The following PITPNM2 variants were observed in gnomAD, a reference collection of about 807,000 sequenced individuals.
PITPNM2 encodes the protein phosphatidylinositol transfer protein membrane associated 2.
A neutral mutation model predicts 132.2 loss-of-function variants in PITPNM2; 35 were observed. That is an observed-to-expected ratio of 0.26 (90% confidence interval 0.20 to 0.35). PITPNM2 has a LOEUF of 0.35. PITPNM2 is among the 10% of genes least tolerant of loss of function. The probability of loss-of-function intolerance (pLI) is 1.00; values close to 1 mark genes in which losing one functional copy is unlikely to be tolerated. For synonymous variants in PITPNM2, 738 were observed against 799.2 expected (o/e 0.92, Z 1.29); for missense variants, 1,332 against 1,912.0 (o/e 0.70, Z 5.66).
chr12:123,041,722 T>G (rs1298786180), intron 2 of PITPNM2, among the ~76,000 whole-genome samples: 1 of 151,834 alleles, frequency 6.6e-6, no homozygotes, highest in Non-Finnish European at 1.5e-5. Context: ...TTTTGGGGCC[T>G]GGCACAGACA....
intron 3 of PITPNM2, among the ~76,000 whole-genome samples, chr12:123,015,418 G>C (rs906929114): frequency 6.6e-6 from 1 of 152,150 alleles, no homozygotes. Context: ...ATTAATTTTT[G>C]AGAAGGGTGC....
intron 2 of PITPNM2, among the ~76,000 whole-genome samples, chr12:123,107,208 T>C (rs2042736814): frequency 6.6e-6 from 1 of 152,204 alleles, no homozygotes; most frequent in Admixed American, 6.5e-5. Flanking sequence ...CCTCCCTGCC[T>C]GAGCCACGGG....
At position 123,079,350 on chromosome 12, in the gene PITPNM2, C is replaced by CTTTTTTTTTTTTTTTTTTTT. The variant is rs139205213; in HGVS notation, c.-96+31015_-96+31034dup. Among the ~76,000 whole-genome samples, 65 of 53,832 alleles carry CTTTTTTTTTTTTTTTTTTTT rather than the reference C, an allele frequency of 1.2e-3. 1 individual carries two copies. Among genetic ancestry groups the CTTTTTTTTTTTTTTTTTTTT allele is most frequent in the East Asian group, 4.7e-3 (6 of 1,268 alleles). 35.3% of individuals were successfully genotyped at this position (53,832 alleles called of 152,430 possible). ...TTCACTTCTTTTTCTTTTTTCTTTT[C>CTTTTTTTTTTTTTTTTTTTT]TTTTTTTTTTTTTTTTTTTTTTTTT... On this transcript the variant is annotated intron_variant, in intron 2 of 25. Transcript: ENST00000320201.
At chr12:123,010,158 A>G in intron 5 of PITPNM2, 81 bp from the exon 6 acceptor site, 2 of 1,215,388 alleles carry the variant, frequency 1.6e-6, no homozygotes, top group Non-Finnish European at 2.4e-6. Flanking sequence ...TCCACCCCCA[A>G]ATCCTCCCAG....
intron 2 of PITPNM2, among the ~76,000 whole-genome samples, chr12:123,103,585 G>T (rs1420914112): frequency 6.6e-6 from 1 of 152,218 alleles, no homozygotes; most frequent in Admixed American, 6.5e-5. Flanking sequence ...CTGTGGCTTG[G>T]CTCTGGGACC....
Position 123,001,040 on chromosome 12 carries a change from C to T in PITPNM2, c.1153+14G>A, listed in dbSNP as rs1210862041. On this transcript the variant is annotated intron_variant, in intron 9 of 25. Coordinates refer to ENST00000320201, the MANE Select transcript of PITPNM2 (RefSeq NM_020845.3). ...GCCCTCCCCAGGCTCTGCAGCACCCCCAGACCTGCTGACCTTGTGTGTCTT... is the reference window on the plus strand; with the variant it reads ...GCCCTCCCCAGGCTCTGCAGCACCCTCAGACCTGCTGACCTTGTGTGTCTT... The T allele has an allele frequency of 6.2e-7, 1 of 1,611,714 alleles. No individual in the cohort carries two copies. The highest frequency in any genetic ancestry group is 1.1e-5 in the South Asian group (1 of 91,032).
intron 2 of PITPNM2, among the ~76,000 whole-genome samples, chr12:123,076,602 C>CTCAATCCCCACTGCACCCTGAG: frequency 6.6e-6 from 1 of 152,336 alleles, no homozygotes; most frequent in African/African-American, 2.4e-5. Context: ...TGGTCCCACC[C>CTCAATCCCCACTGCACCCTGAG]TCAATCCCCA....
intron 1 of PITPNM2, among the ~76,000 whole-genome samples, chr12:123,148,199 G>A (rs550286928): frequency 5.9e-5 from 9 of 152,154 alleles, no homozygotes; most frequent in African/African-American, 1.4e-4. Context: ...CCACTTAGCC[G>A]CATCTGTGTT....
chr12:123,069,420 A>ATCTGCCCCTGC (rs2041553381), intron 2 of PITPNM2, among the ~76,000 whole-genome samples: 2 of 152,112 alleles, frequency 1.3e-5, no homozygotes, highest in Non-Finnish European at 2.9e-5. Flanking sequence ...TCCCCTGCAG[A>ATCTGCCCCTGC]CAGATGGAGA....
In PITPNM2 at chr12:123,037,551, C is replaced by T. The variant is rs533046473; in HGVS notation, c.-95-2866G>A. 8.1e-4 allele frequency among the ~76,000 whole-genome samples: 123 copies of T among 152,296 alleles called. 1 individual carries two copies. The highest frequency in any genetic ancestry group is 2.7e-3 in the African/African-American group (114 of 41,538). On this transcript the variant is annotated intron_variant, in intron 2 of 25. Transcript: ENST00000320201. ...CCAGAGTGGGCAAGTCTCATTTAGT[C>T]ATCTAAATAACATGGTCAGACACAG...
chr12:123,073,849 C>A (rs1168792433), intron 2 of PITPNM2, among the ~76,000 whole-genome samples: 1 of 152,202 alleles, frequency 6.6e-6, no homozygotes, highest in African/African-American at 2.4e-5. Flanking sequence ...CTGCCTGCTC[C>A]TTCCTCTCTC....
At chr12:123,107,091 G>A (rs1209856187) in intron 2 of PITPNM2, among the ~76,000 whole-genome samples, 1 of 152,222 alleles carries the variant, frequency 6.6e-6, no homozygotes, top group East Asian at 1.9e-4. Context: ...GAAAGTCTGT[G>A]TCATTGCTGC....
chr12:123,008,322 G>T lies in PITPNM2; in HGVS notation c.643+1528C>A, dbSNP rs1268680090. 6.6e-6 allele frequency among the ~76,000 whole-genome samples: 1 copy of T among 152,168 alleles called. No homozygotes were observed. Among genetic ancestry groups the T allele is most frequent in the Non-Finnish European group, 1.5e-5 (1 of 68,030 alleles). ...GCTGCAGCCTTAGTAGGTCTGCTGG[G>T]TGTCCTGTGCAGGGCTGAACCTAGA... On this transcript the variant is annotated intron_variant, in intron 6 of 25. Transcript: ENST00000320201. The surrounding 1 kb of genome is among the most constrained non-coding windows in gnomAD (Gnocchi z 4.1).
chr12:123,013,667 C>A (rs868831940), intron 4 of PITPNM2, among the ~76,000 whole-genome samples, 161 bp downstream of exon 4: 1 of 152,232 alleles, frequency 6.6e-6, no homozygotes, highest in Non-Finnish European at 1.5e-5. Flanking sequence ...CCTAGGTGAC[C>A]TTCGGGGCAC....
chr12:123,115,517 A>T (rs979953279), intron 1 of PITPNM2, among the ~76,000 whole-genome samples: 3 of 152,090 alleles, frequency 2.0e-5, no homozygotes, highest in Non-Finnish European at 4.4e-5. Context: ...AAGTTGATGG[A>T]GGGAAAAAAC....
In PITPNM2 at chr12:122,986,402, C is replaced by G. The variant is rs570815644; in HGVS notation, c.3726+34G>C. ...ACAGGCTGGGGCTCCCCGAGCTGCC[C>G]GCCTGCACCCGCCCCCACAATGCGC... On this transcript the variant is annotated intron_variant, in intron 25 of 25. Coordinates refer to ENST00000320201, the MANE Select transcript of PITPNM2 (RefSeq NM_020845.3). 288 of 1,563,690 alleles carry G rather than the reference C, an allele frequency of 1.8e-4. 1 individual carries two copies. In the South Asian group the frequency reaches 3.1e-3, roughly 17 times the overall value.
At position 122,986,811 on chromosome 12, in the gene PITPNM2, G is replaced by A; in HGVS notation, c.3432C>T (p.Gly1144=). Residue 1144 remains glycine (G), a synonymous_variant, in exon 24 of 26, where the codon GGC becomes GGT. Coordinates refer to ENST00000320201, the MANE Select transcript of PITPNM2 (RefSeq NM_020845.3). The stretch of plus-strand genomic sequence containing the variant: ...GGCCCGTCACGTAGATGATGAGGTA[G>A]CCCAGGTCCTGCCAGTGCCTGGGGG... ...VDVVRHWQDL[G]YLIIYVTGRP... The A allele has an allele frequency of 6.2e-7, 1 of 1,612,002 alleles. No homozygotes were observed.
chr12:123,031,240 T>C lies in PITPNM2; in HGVS notation c.78+3273A>G, dbSNP rs2040076275. The stretch of plus-strand genomic sequence containing the variant: ...TCTTCCAAATGCTATAGAGACCTGA[T>C]AGCCTGAGCCCCGTCCATGCAGACA... On this transcript the variant is annotated intron_variant, in intron 3 of 25. Coordinates refer to ENST00000320201, the MANE Select transcript of PITPNM2 (RefSeq NM_020845.3). The surrounding 1 kb of genome is among the most constrained non-coding windows in gnomAD (Gnocchi z 4.5). Among the ~76,000 whole-genome samples the C allele has an allele frequency of 6.6e-6, 1 of 152,342 alleles. No individual in the cohort carries two copies. The highest frequency in any genetic ancestry group is 3.4e-3 in the Middle Eastern group (1 of 294).
intron 3 of PITPNM2, among the ~76,000 whole-genome samples, chr12:123,026,636 G>A (rs1172121360): frequency 6.6e-6 from 1 of 152,206 alleles, no homozygotes; most frequent in Non-Finnish European, 1.5e-5. Context: ...GCCAGGACAG[G>A]GGCCAGGAGG....
Sources: gnomAD v4.1 joint callset for allele counts (sites outside exome capture counted in the v4.1 genomes callset) on GRCh38, gnomAD v4.1.1 for gene constraint, Gnocchi (gnomAD v3.1) non-coding constraint, MANE v1.5 for transcripts, NCBI Gene and HGNC (gene_info 2026-07-23, HGNC 2026-07-21) for gene names.